Variants in SPOCK1 observed in about 807,000 individuals in gnomAD.
SPOCK1 encodes the protein testican-1.
Under a neutral mutation model 55.3 loss-of-function variants are expected in SPOCK1, and 23 were observed. The observed-to-expected ratio is 0.42, with a 90% CI of 0.30 to 0.59. The LOEUF is 0.59. Among genes scored for constraint, SPOCK1 ranks in the 20% least tolerant of loss-of-function variants. The pLI, the probability that SPOCK1 is intolerant of heterozygous loss-of-function variation, is 0.22. For synonymous variants in SPOCK1, 226 were observed against 221.0 expected, an observed-to-expected ratio of 1.02 and a Z score of -0.20; for missense variants, 499 against 552.5, an observed-to-expected ratio of 0.90 and a Z score of 0.97.
intron 2 of SPOCK1, among the ~76,000 whole-genome samples, chr5:137,428,769 C>T (rs937637062): frequency 1.3e-5 from 2 of 152,206 alleles, no homozygotes; most frequent in African/African-American, 4.8e-5. Context: ...GTCCTAACAC[C>T]TCCCTCTTCC....
At chr5:137,359,120 T>C (rs1279264072) in intron 2 of SPOCK1, among the ~76,000 whole-genome samples, 2 of 152,188 alleles carry the variant, frequency 1.3e-5, no homozygotes, top group Non-Finnish European at 2.9e-5. Flanking sequence ...GAGCATCATG[T>C]CCATATGAAG....
At chr5:137,343,182 G>A (rs921795882) in intron 2 of SPOCK1, among the ~76,000 whole-genome samples, 1 of 152,252 alleles carries the variant, frequency 6.6e-6, no homozygotes, top group Admixed American at 6.5e-5. Context: ...GGAGGTCTGG[G>A]AGGGTTTGGC....
At chr5:137,083,168 C>T (rs557452048) in intron 5 of SPOCK1, among the ~76,000 whole-genome samples, 7 of 152,276 alleles carry the variant, frequency 4.6e-5, no homozygotes, top group African/African-American at 1.7e-4. Context: ...CACATTGTGG[C>T]GCCCTCATCA....
At chr5:137,021,706 G>A (rs1751577088) in intron 6 of SPOCK1, among the ~76,000 whole-genome samples, 1 of 152,186 alleles carries the variant, frequency 6.6e-6, no homozygotes, top group Non-Finnish European at 1.5e-5. Context: ...ATGGAATGCA[G>A]TTATTCTACA....
chr5:137,270,117 C>T (rs1756934409), intron 2 of SPOCK1, among the ~76,000 whole-genome samples: 1 of 152,162 alleles, frequency 6.6e-6, no homozygotes, highest in Non-Finnish European at 1.5e-5. Flanking sequence ...AAGTGCAGGA[C>T]ATTAACAGCC....
rs942931764 is a variant in SPOCK1, at chr5:137,037,349, A to G, written c.589+30366T>C. On this transcript the variant is annotated intron_variant, in intron 6 of 10. Coordinates refer to ENST00000394945, the MANE Select transcript of SPOCK1 (RefSeq NM_004598.4). Reference sequence around the variant, plus strand: ...GCCTAGCCTATGATGGACAGAACACATGTGTACCACACATACTAGATAGAT... The same window carrying G: ...GCCTAGCCTATGATGGACAGAACACGTGTGTACCACACATACTAGATAGAT... Among the ~76,000 whole-genome samples the G allele has an allele frequency of 7.3e-5, 11 of 150,644 alleles. 1 individual carries two copies. Among genetic ancestry groups the G allele is most frequent in the South Asian group, 6.4e-4 (3 of 4,654 alleles).
chr5:137,393,125 G>A (rs1751762531), intron 2 of SPOCK1, among the ~76,000 whole-genome samples: 1 of 152,178 alleles, frequency 6.6e-6, no homozygotes, highest in Admixed American at 6.5e-5. Context: ...TGTGCAGCAA[G>A]CAAGAAGGGC....
chr5:137,269,169 T>C (rs533834714), intron 2 of SPOCK1, among the ~76,000 whole-genome samples: 1 of 152,348 alleles, frequency 6.6e-6, no homozygotes, highest in East Asian at 1.9e-4. Flanking sequence ...TATTTAAAGC[T>C]CATTGCAAAT....
intron 2 of SPOCK1, among the ~76,000 whole-genome samples, chr5:137,342,590 T>C (rs191516758): frequency 2.0e-5 from 3 of 152,264 alleles, no homozygotes; most frequent in Admixed American, 6.5e-5. Context: ...TGAACAATAG[T>C]GGTGTTGAAT....
At chr5:137,448,081 C>T (rs547886704) in intron 2 of SPOCK1, among the ~76,000 whole-genome samples, 8 of 152,234 alleles carry the variant, frequency 5.3e-5, no homozygotes, top group Non-Finnish European at 1.0e-4. Context: ...AACCCCATCT[C>T]TACTAAAAAT....
intron 3 of SPOCK1, among the ~76,000 whole-genome samples, chr5:137,206,317 C>T (rs896895486): frequency 2.7e-4 from 41 of 152,222 alleles, no homozygotes; most frequent in Non-Finnish European, 2.9e-5. Flanking sequence ...GAGCTTCATG[C>T]CCCCAAGGCC....
At chr5:137,108,066 T>A (rs1399089176) in intron 5 of SPOCK1, among the ~76,000 whole-genome samples, 1 of 152,228 alleles carries the variant, frequency 6.6e-6, no homozygotes, top group East Asian at 1.9e-4. Flanking sequence ...AGGTTCTAAC[T>A]CCATGGGATG....
chr5:137,053,247 C>A (rs13174286), intron 6 of SPOCK1, among the ~76,000 whole-genome samples: 9 of 151,948 alleles, frequency 5.9e-5, no homozygotes, highest in South Asian at 4.2e-4. Context: ...CACAGGGCGC[C>A]AGAGGGCAAA....
intron 3 of SPOCK1, among the ~76,000 whole-genome samples, chr5:137,183,744 C>G (rs1755014820): frequency 6.6e-6 from 1 of 152,210 alleles, no homozygotes; most frequent in Admixed American, 6.5e-5. Flanking sequence ...GTTTCCAGCC[C>G]TCGCTGGCTG....
At chr5:136,997,183 C>T (rs1751059397) in intron 6 of SPOCK1, among the ~76,000 whole-genome samples, 1 of 152,182 alleles carries the variant, frequency 6.6e-6, no homozygotes, top group Non-Finnish European at 1.5e-5. Flanking sequence ...GGGATCCACT[C>T]CCCAGCCTCA....
rs1164011285 is a variant in SPOCK1, at chr5:137,132,794, G to GT, written c.347+7785dup. On this transcript the variant is annotated intron_variant, in intron 4 of 10. Coordinates refer to ENST00000394945, the MANE Select transcript of SPOCK1 (RefSeq NM_004598.4). ...CCCCTCTGGAAGCGCTTTTTTTGTT[G>GT]TTTTTTGTTGTTGTTGTTGTTTTTC... is the stretch of plus-strand genomic sequence containing the variant. Among the ~76,000 whole-genome samples the GT allele has an allele frequency of 9.2e-5, 14 of 152,186 alleles. No individual in the cohort carries two copies. The South Asian group carries it at 2.7e-3, about 29-fold the overall frequency.
At chr5:137,405,468 C>T (rs546072397) in intron 2 of SPOCK1, among the ~76,000 whole-genome samples, 3 of 152,264 alleles carry the variant, frequency 2.0e-5, no homozygotes, top group Non-Finnish European at 2.9e-5. Flanking sequence ...CAGTCAGAAA[C>T]GAGGGTCCTC....
intron 4 of SPOCK1, among the ~76,000 whole-genome samples, chr5:137,119,272 AT>A (rs1446353218): frequency 6.6e-6 from 1 of 152,246 alleles, no homozygotes; most frequent in Non-Finnish European, 1.5e-5. Context: ...TGTTTGCCAA[AT>A]CAAAACTAAT....
intron 4 of SPOCK1, among the ~76,000 whole-genome samples, chr5:137,139,471 T>C (rs975336253): frequency 6.6e-6 from 1 of 151,910 alleles, no homozygotes; most frequent in African/African-American, 2.4e-5. Flanking sequence ...GGGACCAGCA[T>C]TGCTTGGACT....
Sources: gnomAD v4.1 joint callset for allele counts (sites outside exome capture counted in the v4.1 genomes callset) on GRCh38, gnomAD v4.1.1 for gene constraint, MANE v1.5 for transcripts, NCBI Gene and HGNC (gene_info 2026-07-23, HGNC 2026-07-21) for gene names.